The following FAM186B variants were observed in gnomAD, a reference collection of about 807,000 sequenced individuals.
FAM186B encodes the protein protein FAM186B.
In FAM186B, 68 loss-of-function variants were observed where a neutral mutation model predicts 83.4. The ratio of observed to expected loss-of-function variants is 0.81; its 90% confidence interval spans 0.67 to 1.00. The LOEUF is 1.00. Ranked by LOEUF, FAM186B falls within the 50% of genes least tolerant of loss-of-function variation. The pLI, the probability that FAM186B is intolerant of heterozygous loss-of-function variation, is 0.00. For missense variants in FAM186B, 983 were observed against 1,099.2 expected, an observed-to-expected ratio of 0.89 and a Z score of 1.49; for synonymous variants, 389 against 422.0, an observed-to-expected ratio of 0.92 and a Z score of 0.96.
chr12:49,616,679 A>C, the FAM186B span, among the ~76,000 whole-genome samples: 22 of 152,228 alleles, frequency 1.4e-4, no homozygotes, highest in Admixed American at 3.9e-4. Context: ...AACAATAGTG[A>C]TAGAAACCAG....
At chr12:49,584,639 G>T, downstream of FAM186B, 1 of 702,276 alleles carries the variant, frequency 1.4e-6, no homozygotes, top group South Asian at 1.5e-5. Flanking sequence ...AGAGTTACAG[G>T]TGGGGGAGTA....
intron 3 of FAM186B, 32 bp from the exon 4 acceptor site, chr12:49,601,166 T>C (rs774545236): frequency 6.6e-6 from 10 of 1,519,088 alleles, no homozygotes; most frequent in South Asian, 1.3e-5. Flanking sequence ...AAGTCAACGA[T>C]TTCTCATGGG....
chr12:49,617,481 C>T, the FAM186B span, among the ~76,000 whole-genome samples: 1 of 152,000 alleles, frequency 6.6e-6, no homozygotes, highest in Non-Finnish European at 1.5e-5. Flanking sequence ...GAGGCAGAGG[C>T]TACAGTGAGC....
rs765146320 is a variant in FAM186B at position 49,605,346 on chromosome 12, C to T, written c.96+36G>A. 2.9e-5 allele frequency: 46 copies of T among 1,595,508 alleles called. No homozygotes were observed. In the Admixed American group the frequency reaches 4.5e-4, roughly 16 times the overall value. The stretch of plus-strand genomic sequence containing the variant: ...CAGCCCCCAGTCTCCGCATCAGATC[C>T]CAATGTAAGAGTGATTCCTTCATCT... On this transcript the variant is annotated intron_variant, in intron 1 of 6. Transcript: ENST00000257894.
At chr12:49,619,667 C>CTTTTT in the FAM186B span, 25 of 145,998 alleles carry the variant, frequency 1.7e-4, no homozygotes, top group South Asian at 3.3e-4. Context: ...TTAGACATCT[C>CTTTTT]TTTTTTTTTT....
Position 49,587,643 on chromosome 12 carries a change from G to A in FAM186B, c.2644C>T (p.His882Tyr). ...GTCAACAGCCGGGGAATATCTGGGT[G>A]TCCCCTCAGCTGGTCCCGGGGAAGG... ...ASLPRDQLRG[H>Y]PDIPRLLTLD... Residue 882 changes from histidine (H) to tyrosine (Y), a missense_variant, in exon 7 of 7, where the codon CAC (histidine) becomes TAC (tyrosine). Transcript: ENST00000257894. The A allele has an allele frequency of 6.2e-7, 1 of 1,613,660 alleles. No homozygotes were observed. Among genetic ancestry groups the A allele is most frequent in the Non-Finnish European group, 8.5e-7 (1 of 1,180,016 alleles).
chr12:49,612,494 T>C, the FAM186B span, among the ~76,000 whole-genome samples: 2 of 151,738 alleles, frequency 1.3e-5, no homozygotes, highest in African/African-American at 4.8e-5. Context: ...CAACACAAAT[T>C]CATAAACTGC....
chr12:49,598,603 T>G (rs541588247), intron 5 of FAM186B, 152 bp downstream of exon 5: 16 of 718,756 alleles, frequency 2.2e-5, no homozygotes, highest in Admixed American at 2.9e-5. Context: ...CTCTCCCTGG[T>G]GCAGAGGCTT....
the FAM186B span, among the ~76,000 whole-genome samples, chr12:49,611,618 T>G: frequency 3.7e-5 from 5 of 134,812 alleles, no homozygotes; most frequent in Admixed American, 3.9e-4. Flanking sequence ...CCCAGCACTT[T>G]GGGAGGCCGA....
chr12:49,585,088 G>C (rs897297119), downstream of FAM186B, among the ~76,000 whole-genome samples: 3 of 152,048 alleles, frequency 2.0e-5, no homozygotes, highest in Non-Finnish European at 4.4e-5. Context: ...GCGCAATCTT[G>C]GCTCACTGCA....
chr12:49,593,043 A>G, intron 5 of FAM186B: 1 of 152,252 alleles, frequency 6.6e-6, no homozygotes, highest in East Asian at 1.9e-4. Flanking sequence ...CAGATTGCAT[A>G]AAAAAGCAAG....
At chr12:49,604,020 CA>C (rs1939955126) in intron 2 of FAM186B, among the ~76,000 whole-genome samples, 1 of 152,182 alleles carries the variant, frequency 6.6e-6, no homozygotes, top group African/African-American at 2.4e-5. Context: ...GAATATCACC[CA>C]GGGGTGCTCT....
chr12:49,591,684 A>G (rs1012228023), intron 5 of FAM186B, among the ~76,000 whole-genome samples: 9 of 152,174 alleles, frequency 5.9e-5, no homozygotes, highest in Non-Finnish European at 1.2e-4. Flanking sequence ...GGGAAAAGTA[A>G]TAACAATGTA....
chr12:49,584,825 A>G (rs1005709227), downstream of FAM186B, among the ~76,000 whole-genome samples: 1 of 152,140 alleles, frequency 6.6e-6, no homozygotes, highest in Non-Finnish European at 1.5e-5. Context: ...CTGACCTCAC[A>G]AAAGACTTCC....
chr12:49,619,937 C>T, the FAM186B span, among the ~76,000 whole-genome samples: 3 of 152,058 alleles, frequency 2.0e-5, no homozygotes, highest in Non-Finnish European at 2.9e-5. Context: ...ACCTCGGCCT[C>T]CCAAAGTGCT....
rs1366379641 is a variant in FAM186B, at chr12:49,600,228, A to C, written c.1412T>G (p.Val471Gly). ...KQLSLESSRQ[V>G]TSESQEEPWE... ...GGGCTCCTCTTGGCTCTCAGAGGTC[A>C]CCTGCCTGGAGCTCTCTAGAGACAG... The change falls in exon 4 of 7, where the codon GTG (valine) becomes GGG (glycine). Residue 471 changes from valine (V) to glycine (G), a missense_variant. Val to Gly is a moderately radical substitution (Grantham distance 109). Coordinates refer to ENST00000257894, the MANE Select transcript of FAM186B (RefSeq NM_032130.3). This position sits in a 1 kb window ranked among gnomAD's most constrained non-coding sequence, Gnocchi z 4.3. The C allele has an allele frequency of 1.2e-6, 2 of 1,612,690 alleles. No homozygotes were observed. Among genetic ancestry groups the C allele is most frequent in the Non-Finnish European group, 1.7e-6 (2 of 1,179,048 alleles).
Position 49,587,509 on chromosome 12 carries a change from A to G in FAM186B, c.*96T>C. Reference sequence around the variant, plus strand: ...GGATAGCAAATGAGGTCATTGTTAAAGCCTGGAGAGAGATTTATTGGGGAG... The same window carrying G: ...GGATAGCAAATGAGGTCATTGTTAAGGCCTGGAGAGAGATTTATTGGGGAG... On this transcript the variant is annotated 3_prime_UTR_variant, in exon 7 of 7. Coordinates refer to ENST00000257894, the MANE Select transcript of FAM186B (RefSeq NM_032130.3). 1 of 1,526,526 alleles carries G rather than the reference A, an allele frequency of 6.6e-7. No individual in the cohort carries two copies. Among genetic ancestry groups the G allele is most frequent in the Non-Finnish European group, 9.1e-7 (1 of 1,101,452 alleles). 94.6% of individuals were successfully genotyped at this position (1,526,526 alleles called of 1,614,324 possible).
At chr12:49,584,181 A>T (rs1939392260), downstream of FAM186B, 1 of 319,690 alleles carries the variant, frequency 3.1e-6, no homozygotes. Flanking sequence ...TGCCAATCAC[A>T]GCTATCTCGG....
intron 5 of FAM186B, among the ~76,000 whole-genome samples, chr12:49,590,778 G>A (rs1318914394): frequency 1.3e-5 from 2 of 152,128 alleles, no homozygotes; most frequent in African/African-American, 2.4e-5. Flanking sequence ...TAACCCATAG[G>A]GCATGGTCCC....
Sources: allele counts gnomAD v4.1 joint callset (sites outside exome capture counted in the v4.1 genomes callset), GRCh38; gene constraint gnomAD v4.1.1; non-coding constraint Gnocchi (gnomAD v3.1); transcripts MANE v1.5; gene names NCBI Gene and HGNC (gene_info 2026-07-23, HGNC 2026-07-21).